The following EPB41L5 variants were observed in gnomAD, a reference collection of about 807,000 sequenced individuals.
EPB41L5 encodes erythrocyte membrane protein band 4.1 like 5.
A neutral mutation model predicts 106.6 loss-of-function variants in EPB41L5; 55 were observed. The ratio of observed to expected loss-of-function variants is 0.52; its 90% CI spans 0.42 to 0.65. The LOEUF (loss-of-function observed/expected upper bound fraction) is 0.65, where lower values mean the gene tolerates loss of function less well. Ranked by LOEUF, EPB41L5 falls within the 30% of genes least tolerant of loss-of-function variation. EPB41L5 has a pLI of 0.00. For synonymous variants in EPB41L5, 297 were observed against 306.7 expected, an observed-to-expected ratio of 0.97 and a Z score of 0.33; for missense variants, 871 against 882.1, an observed-to-expected ratio of 0.99 and a Z score of 0.16.
chr2:120,160,091 G>C (rs1687079284), intron 20 of EPB41L5, among the ~76,000 whole-genome samples: 1 of 152,062 alleles, frequency 6.6e-6, no homozygotes, highest in Non-Finnish European at 1.5e-5. Flanking sequence ...AGGAGGGAGA[G>C]GAGCACAAAA....
chr2:120,061,031 GTTTTTTTTTT>G (rs375754153), intron 3 of EPB41L5, among the ~76,000 whole-genome samples: 46 of 69,126 alleles, frequency 6.7e-4, no homozygotes, highest in Admixed American at 1.8e-3. Flanking sequence ...GTTCAGGGAA[GTTTTTTTTTT>G]TTTTTTTTTT....
chr2:120,119,829 C>T (rs112751474), intron 16 of EPB41L5, among the ~76,000 whole-genome samples: 2,139 of 152,160 alleles, frequency 0.014, 50 homozygotes, highest in African/African-American at 0.048. Context: ...CTATTTGAGA[C>T]AATTAATTTG....
chr2:120,131,764 C>T, intron 18 of EPB41L5, 49 bp downstream of exon 18: 1 of 1,337,438 alleles, frequency 7.5e-7, no homozygotes, highest in Non-Finnish European at 1.1e-6. Context: ...CCAGAGCTCC[C>T]AGAAATATTT....
chr2:120,024,812 A>G (rs947812661), intron 2 of EPB41L5, among the ~76,000 whole-genome samples: 2 of 151,950 alleles, frequency 1.3e-5, no homozygotes, highest in Non-Finnish European at 2.9e-5. Flanking sequence ...ACGTTTATTG[A>G]TTTGTGCATG....
chr2:120,125,951 G>A (rs1328805524), intron 16 of EPB41L5, among the ~76,000 whole-genome samples: 1 of 152,088 alleles, frequency 6.6e-6, no homozygotes, highest in Non-Finnish European at 1.5e-5. Context: ...TTTGCTGGCA[G>A]TCTTTGGTGT....
intron 4 of EPB41L5, among the ~76,000 whole-genome samples, chr2:120,073,826 A>C (rs961867206): frequency 9.2e-5 from 14 of 152,176 alleles, no homozygotes; most frequent in African/African-American, 3.4e-4. Context: ...CAGGGCTGTT[A>C]GGTTGCACAG....
intron 18 of EPB41L5, 29 bp from the exon 19 acceptor site, chr2:120,142,974 T>G: frequency 6.3e-7 from 1 of 1,585,716 alleles, no homozygotes; most frequent in South Asian, 1.1e-5. Flanking sequence ...GCATCAGAGT[T>G]GATTATAGTA....
intron 1 of EPB41L5, among the ~76,000 whole-genome samples, chr2:120,013,858 T>C (rs566940876): frequency 6.6e-6 from 1 of 152,182 alleles, no homozygotes; most frequent in Non-Finnish European, 1.5e-5. Flanking sequence ...TAGACTAATA[T>C]TAAAAGTTTT....
At chr2:120,045,636 A>G (rs539363137) in intron 3 of EPB41L5, among the ~76,000 whole-genome samples, 2 of 152,254 alleles carry the variant, frequency 1.3e-5, no homozygotes, top group African/African-American at 4.8e-5. Context: ...AAAAGATCCC[A>G]CAGAATCATG....
chr2:120,137,672 A>G (rs574324075), intron 18 of EPB41L5, among the ~76,000 whole-genome samples: 1 of 152,218 alleles, frequency 6.6e-6, no homozygotes, highest in East Asian at 1.9e-4. Flanking sequence ...CAAAACCTGA[A>G]TAGACCAATA....
chr2:120,141,778 T>C (rs1686184904), intron 18 of EPB41L5, among the ~76,000 whole-genome samples: 1 of 152,140 alleles, frequency 6.6e-6, no homozygotes, highest in African/African-American at 2.4e-5. Context: ...TTTAGATATA[T>C]GAAGAGCTAT....
At chr2:120,019,389 C>A in intron 2 of EPB41L5, 125 bp downstream of exon 2, 1 of 778,770 alleles carries the variant, frequency 1.3e-6, no homozygotes, top group Non-Finnish European at 1.9e-6. Context: ...TAGTATAGAT[C>A]AGGCACTGTA....
chr2:120,066,202 G>A (rs1216941689), intron 3 of EPB41L5, among the ~76,000 whole-genome samples: 1 of 151,974 alleles, frequency 6.6e-6, no homozygotes, highest in East Asian at 1.9e-4. Context: ...CATGATTATT[G>A]CCTTAAGTAA....
chr2:120,065,144 G>T (rs1453569773), intron 3 of EPB41L5, among the ~76,000 whole-genome samples: 1 of 151,992 alleles, frequency 6.6e-6, no homozygotes, highest in African/African-American at 2.4e-5. Context: ...TTAGAGATGG[G>T]GTCTTGTTCT....
intron 14 of EPB41L5, among the ~76,000 whole-genome samples, chr2:120,095,113 A>T (rs1261078965): frequency 1.3e-5 from 2 of 152,106 alleles, no homozygotes; most frequent in Admixed American, 6.6e-5. Flanking sequence ...TTAATCCGTT[A>T]TTGAGAGTGG....
At chr2:120,146,641 T>G in intron 20 of EPB41L5, among the ~76,000 whole-genome samples, 1 of 152,230 alleles carries the variant, frequency 6.6e-6, no homozygotes, top group East Asian at 1.9e-4. Context: ...CTTATCAACT[T>G]ACTTGCCATG....
intron 24 of EPB41L5, among the ~76,000 whole-genome samples, chr2:120,173,184 T>G (rs1041747230): frequency 3.2e-4 from 48 of 152,266 alleles, no homozygotes; most frequent in Admixed American, 5.9e-4. Context: ...GTGAAAATAT[T>G]TACATAATTA....
chr2:120,029,506 G>A (rs1678563033), intron 2 of EPB41L5, among the ~76,000 whole-genome samples: 1 of 152,148 alleles, frequency 6.6e-6, no homozygotes, highest in Non-Finnish European at 1.5e-5. Flanking sequence ...GTAGAGATGG[G>A]AGGAAGAACA....
At chr2:120,014,981 AAAAAC>A (rs1677414354) in intron 1 of EPB41L5, among the ~76,000 whole-genome samples, 2 of 151,648 alleles carry the variant, frequency 1.3e-5, no homozygotes. Context: ...TAAAAAAAAA[AAAAAC>A]CCACAACTTT....
Sources: gnomAD v4.1 joint callset for allele counts (sites outside exome capture counted in the v4.1 genomes callset) on GRCh38, gnomAD v4.1.1 for gene constraint, MANE v1.5 for transcripts, NCBI Gene and HGNC (gene_info 2026-07-23, HGNC 2026-07-21) for gene names.